Variants in UNC93A observed in about 807,000 individuals in gnomAD.
The protein encoded by UNC93A is N-acetylglucosamine transporter UNC93A.
UNC93A carries 43 observed loss-of-function variants against 47.5 expected under a neutral mutation model. The ratio of observed to expected loss-of-function variants is 0.91; its 90% CI spans 0.71 to 1.17. The LOEUF is 1.17. Ranked by LOEUF, UNC93A falls within the 50% of genes most tolerant of loss-of-function variation. The pLI, the probability that UNC93A is intolerant of heterozygous loss-of-function variation, is 0.00. For missense variants in UNC93A, 605 were observed against 577.6 expected (o/e 1.05, Z -0.49); for synonymous variants, 280 against 258.0 (o/e 1.09, Z -0.82).
At chr6:167,273,108 T>G (rs909416582) in intron 1 of UNC93A, among the ~76,000 whole-genome samples, 2 of 152,206 alleles carry the variant, frequency 1.3e-5, no homozygotes, top group African/African-American at 4.8e-5. Flanking sequence ...CTCCTCTTAC[T>G]GCCGCCTTCT....
intron 1 of UNC93A, among the ~76,000 whole-genome samples, chr6:167,282,464 G>T (rs571886934): frequency 1.3e-5 from 2 of 152,210 alleles, no homozygotes; most frequent in South Asian, 4.2e-4. Context: ...GGGAAAATAA[G>T]AAATTGGAGG....
At chr6:167,312,586 G>A (rs1205186170) in intron 7 of UNC93A, among the ~76,000 whole-genome samples, 2 of 152,192 alleles carry the variant, frequency 1.3e-5, no homozygotes, top group African/African-American at 4.8e-5. Flanking sequence ...GTAAGACACG[G>A]GGCTTATTCT....
intron 4 of UNC93A, among the ~76,000 whole-genome samples, chr6:167,300,086 G>A (rs924483201): frequency 1.3e-5 from 2 of 152,182 alleles, no homozygotes; most frequent in Non-Finnish European, 2.9e-5. Context: ...CCCTGGGGTT[G>A]ACAGGAAGAT....
chr6:167,288,280 C>T (rs1362259016), upstream of UNC93A, among the ~76,000 whole-genome samples: 1 of 152,150 alleles, frequency 6.6e-6, no homozygotes, highest in African/African-American at 2.4e-5. Context: ...TCTCCTTGGC[C>T]GAGGAAGAAG....
intron 5 of UNC93A, 87 bp from the exon 6 acceptor site, chr6:167,305,828 G>A: frequency 6.3e-7 from 1 of 1,586,482 alleles, no homozygotes; most frequent in Non-Finnish European, 8.6e-7. Context: ...TCTCAGAGCA[G>A]ATGTTCTAAG....
Position 167,306,066 on chromosome 6 carries a change from G to A in UNC93A, c.976+16G>A, listed in dbSNP as rs766966775. On this transcript the variant is annotated intron_variant, in intron 6 of 7. Transcript: ENST00000230256. ...TACGTGCTGGGTAGGTATCAGCGTG[G>A]GTCCCATCCCAGCTGTCATAACGAT... is the stretch of plus-strand genomic sequence containing the variant. 2.5e-6 allele frequency: 4 copies of A among 1,613,404 alleles called. No homozygotes were observed. Among genetic ancestry groups the A allele is most frequent in the Non-Finnish European group, 2.5e-6 (3 of 1,179,670 alleles).
rs557312465 is a variant in UNC93A at position 167,276,642 on chromosome 6, T to C, written c.-52+5184T>C. The stretch of plus-strand genomic sequence containing the variant: ...CTTCAGAGTCCCGGGATCCCAGCTG[T>C]GCTGTGCTCCTCCTTCAGCTGTGGG... On this transcript the variant is annotated intron_variant, in intron 1 of 3. Transcript: ENST00000503433. Among the ~76,000 whole-genome samples, 5 of 152,250 alleles carry C rather than the reference T, an allele frequency of 3.3e-5. No homozygotes were observed. In the South Asian group the frequency reaches 8.3e-4, roughly 25 times the overall value.
At chr6:167,275,436 C>T (rs1783523186) in intron 1 of UNC93A, among the ~76,000 whole-genome samples, 1 of 152,202 alleles carries the variant, frequency 6.6e-6, no homozygotes, top group Non-Finnish European at 1.5e-5. Flanking sequence ...AATCAGTTTC[C>T]AGGAGCTGGC....
intron 1 of UNC93A, among the ~76,000 whole-genome samples, chr6:167,292,652 C>T (rs1783866950): frequency 1.3e-5 from 2 of 152,186 alleles, no homozygotes; most frequent in South Asian, 4.1e-4. Context: ...TTTCTTGCCG[C>T]AATGGTTCAT....
At chr6:167,276,652 C>T (rs1783548540) in intron 1 of UNC93A, among the ~76,000 whole-genome samples, 1 of 152,142 alleles carries the variant, frequency 6.6e-6, no homozygotes, top group African/African-American at 2.4e-5. Flanking sequence ...TGCTGTGCTC[C>T]TCCTTCAGCT....
chr6:167,300,966 A>G (rs1296875252), intron 4 of UNC93A, among the ~76,000 whole-genome samples: 1 of 152,256 alleles, frequency 6.6e-6, no homozygotes, highest in African/African-American at 2.4e-5. Context: ...TGAGGATCAT[A>G]TGGTCCTTGT....
At chr6:167,288,532 G>A (rs1027171820), upstream of UNC93A, among the ~76,000 whole-genome samples, 4 of 151,694 alleles carry the variant, frequency 2.6e-5, no homozygotes, top group Admixed American at 2.6e-4. Flanking sequence ...CCCTAAAGTA[G>A]CCAAGAACTC....
chr6:167,311,526 T>C (rs1356705771), intron 7 of UNC93A, among the ~76,000 whole-genome samples: 1 of 152,230 alleles, frequency 6.6e-6, no homozygotes, highest in Non-Finnish European at 1.5e-5. Flanking sequence ...ACAGAATGTC[T>C]AGTCTAAAAA....
intron 2 of UNC93A, 68 bp downstream of exon 2, chr6:167,294,766 A>C (rs1488732160): frequency 6.7e-7 from 1 of 1,492,906 alleles, no homozygotes; most frequent in African/African-American, 1.4e-5. Context: ...TTCACTCTGC[A>C]CATGAGTTGC....
chr6:167,286,266 A>G (rs1357634267), intron 1 of UNC93A, among the ~76,000 whole-genome samples: 4 of 152,312 alleles, frequency 2.6e-5, no homozygotes, highest in Admixed American at 2.6e-4. Context: ...TTCCAAAGAC[A>G]GTGGAGAAGT....
chr6:167,288,449 TACACACACACACACACAC>T (rs10586281), upstream of UNC93A, among the ~76,000 whole-genome samples: 191 of 134,852 alleles, frequency 1.4e-3, 1 homozygote, highest in Middle Eastern at 3.7e-3. Context: ...TGTTCTTCCT[TACACACACACACACACAC>T]ACACACACAC....
chr6:167,294,558 C>G lies in UNC93A; in HGVS notation c.129C>G (p.Leu43=). ...YSEEGLGVTA[L]STLYGGMLLS... ...AGGAGGGCCTGGGTGTCACAGCGCT[C>G]AGCACCCTCTATGGAGGCATGCTCC... Residue 43 remains leucine, a synonymous_variant, in exon 2 of 8, where the codon CTC becomes CTG. Coordinates refer to ENST00000230256, the MANE Select transcript of UNC93A (RefSeq NM_018974.4). 1 of 1,614,132 alleles carries G rather than the reference C, an allele frequency of 6.2e-7. No individual in the cohort carries two copies. Among genetic ancestry groups the G allele is most frequent in the Non-Finnish European group, 8.5e-7 (1 of 1,180,016 alleles).
rs780262776 is a variant in UNC93A, at chr6:167,294,587, C to G, written c.158C>G (p.Ser53Cys). Residue 53 changes from serine to cysteine, a missense_variant, in exon 2 of 8, where the codon TCC becomes TGC. By Grantham distance (112) the Ser-to-Cys change is moderately radical. Coordinates refer to ENST00000230256, the MANE Select transcript of UNC93A (RefSeq NM_018974.4). ...ACCCTCTATGGAGGCATGCTCCTGT[C>G]CTCCATGTTCCTCCCACCGCTCCTC... ...LSTLYGGMLL[S>C]SMFLPPLLIE... The G allele has an allele frequency of 1.9e-6, 3 of 1,614,032 alleles. No homozygotes were observed. Among genetic ancestry groups the G allele is most frequent in the Middle Eastern group, 1.6e-4 (1 of 6,062 alleles).
chr6:167,303,879 G>C, intron 4 of UNC93A, 40 bp from the exon 5 acceptor site: 1 of 1,605,790 alleles, frequency 6.2e-7, no homozygotes, highest in African/African-American at 1.3e-5. Context: ...CCTGCCTCTG[G>C]GCCCCCATGA....
Sources: allele counts gnomAD v4.1 joint callset (sites outside exome capture counted in the v4.1 genomes callset), GRCh38; gene constraint gnomAD v4.1.1; transcripts MANE v1.5; gene names NCBI Gene and HGNC (gene_info 2026-07-23, HGNC 2026-07-21).